Variants in RAD18 observed in about 807,000 individuals in gnomAD.
RAD18 encodes the protein E3 ubiquitin-protein ligase RAD18.
Under a neutral mutation model 60.4 loss-of-function variants are expected in RAD18, and 47 were observed. That is an observed-to-expected ratio of 0.78 (90% CI 0.62 to 0.99). RAD18 has a LOEUF of 0.99. Among genes scored for constraint, RAD18 ranks in the 50% least tolerant of loss-of-function variants. The pLI is 0.00. For synonymous variants in RAD18, 225 were observed against 195.5 expected (o/e 1.15, Z -1.26); for missense variants, 640 against 593.3 (o/e 1.08, Z -0.82).
Position 8,958,871 on chromosome 3 carries a change from T to A in RAD18, c.133+49A>T, listed in dbSNP as rs753697139. ...TCTTTGGTGTTAAATTAACACTACC[T>A]CATGTAAAAATCGCAATTTACTAAC... is the stretch of plus-strand genomic sequence containing the variant. On this transcript the variant is annotated intron_variant, in intron 2 of 12. Transcript: ENST00000264926. 5.1e-6 allele frequency: 7 copies of A among 1,380,396 alleles called. No individual in the cohort carries two copies. In the Admixed American group the frequency reaches 8.4e-5, roughly 17 times the overall value. The allele number at this position is 1,380,396 out of a possible 1,614,324, so 85.5% of individuals were successfully genotyped here.
intron 8 of RAD18, among the ~76,000 whole-genome samples, chr3:8,913,163 G>A (rs1940132126): frequency 6.6e-6 from 1 of 152,196 alleles, no homozygotes; most frequent in Admixed American, 6.5e-5. Context: ...AGGCAACAGT[G>A]AAGAATTTTA....
chr3:8,890,817 T>C (rs1437384584), intron 11 of RAD18, among the ~76,000 whole-genome samples: 2 of 152,184 alleles, frequency 1.3e-5, no homozygotes, highest in Non-Finnish European at 2.9e-5. Context: ...TGGAGAGAAC[T>C]ACTCCAATTT....
chr3:8,945,173 A>AG (rs1268585762), intron 4 of RAD18, among the ~76,000 whole-genome samples: 2 of 152,174 alleles, frequency 1.3e-5, no homozygotes, highest in Non-Finnish European at 2.9e-5. Context: ...TGGTATTCTC[A>AG]GGGGTCCTGG....
intron 9 of RAD18, among the ~76,000 whole-genome samples, chr3:8,910,587 C>T (rs1387295601): frequency 1.3e-5 from 2 of 149,740 alleles, no homozygotes; most frequent in Admixed American, 1.3e-4. Context: ...CTGGACAGAG[C>T]GAGCCTCCAT....
At position 8,922,806 on chromosome 3, in the gene RAD18, G is replaced by A. The variant is rs147260199; in HGVS notation, c.890-9086C>T. Among the ~76,000 whole-genome samples, 4 of 152,252 alleles carry A rather than the reference G, an allele frequency of 2.6e-5. No homozygotes were observed. The South Asian group carries it at 8.3e-4, about 32-fold the overall frequency. ...CCGCTGGTGATACCCAGGCAAACAG[G>A]GTCTGGAGTGGACCTCTGGCAAACT... On this transcript the variant is annotated intron_variant, in intron 7 of 12. Coordinates refer to ENST00000264926, the MANE Select transcript of RAD18 (RefSeq NM_020165.4).
intron 12 of RAD18, among the ~76,000 whole-genome samples, chr3:8,886,859 G>T (rs928792702): frequency 3.3e-5 from 5 of 152,332 alleles, no homozygotes; most frequent in Admixed American, 6.5e-5. Flanking sequence ...CCACAGTTGT[G>T]GGGTAGGGAA....
At chr3:8,915,534 T>C (rs2662087) in intron 7 of RAD18, among the ~76,000 whole-genome samples, 151,969 of 151,970 alleles carry the variant, frequency 1, 75,984 homozygotes, top group Non-Finnish European at 1. Flanking sequence ...ATATAAAAAT[T>C]TTGGGTGGCT....
intron 2 of RAD18, among the ~76,000 whole-genome samples, chr3:8,949,674 A>AG (rs35685771): frequency 6.6e-6 from 1 of 152,028 alleles, no homozygotes; most frequent in African/African-American, 2.4e-5. Context: ...GGAGAGAGAG[A>AG]GGGGGGTAAT....
intron 4 of RAD18, 123 bp from the exon 5 acceptor site, chr3:8,941,927 C>T (rs772104349): frequency 3.7e-5 from 32 of 869,076 alleles, no homozygotes; most frequent in Non-Finnish European, 4.9e-5. Flanking sequence ...ACTATAATGA[C>T]AACCAAACCA....
intron 12 of RAD18, among the ~76,000 whole-genome samples, chr3:8,882,682 T>C (rs1026193410): frequency 6.6e-6 from 1 of 152,012 alleles, no homozygotes; most frequent in African/African-American, 2.4e-5. Context: ...GAAAGGAAAA[T>C]GGGAGCAAAA....
At chr3:8,947,124 A>G in intron 4 of RAD18, 96 bp downstream of exon 4, 1 of 914,250 alleles carries the variant, frequency 1.1e-6, no homozygotes, top group Non-Finnish European at 1.7e-6. Context: ...AAAATATGCA[A>G]CCCTGCATTC....
At chr3:8,945,585 C>T (rs1940826945) in intron 4 of RAD18, among the ~76,000 whole-genome samples, 1 of 150,504 alleles carries the variant, frequency 6.6e-6, no homozygotes, top group Admixed American at 6.6e-5. Context: ...GATTCTCCTG[C>T]CTCAGCCTCC....
Position 8,955,850 on chromosome 3 carries a change from T to C in RAD18, c.133+3070A>G, listed in dbSNP as rs371836670. ...GCTGACTAGTAAAGATCTTTCTCTA[T>C]ATGGTAGTGCCCCCTTATACACAGG... On this transcript the variant is annotated intron_variant, in intron 2 of 12. Coordinates refer to ENST00000264926, the MANE Select transcript of RAD18 (RefSeq NM_020165.4). Among the ~76,000 whole-genome samples, 6 of 152,162 alleles carry C rather than the reference T, an allele frequency of 3.9e-5. No homozygotes were observed. The East Asian group carries it at 5.8e-4, about 15-fold the overall frequency.
chr3:8,942,326 C>T (rs556221631), intron 4 of RAD18, among the ~76,000 whole-genome samples: 1 of 152,306 alleles, frequency 6.6e-6, no homozygotes, highest in African/African-American at 2.4e-5. Context: ...CCCACTCTCA[C>T]CACATGACAT....
rs754517145 is a variant in RAD18, at chr3:8,935,910, T to C, written c.850A>G (p.Met284Val). The C allele has an allele frequency of 1.7e-5, 28 of 1,610,732 alleles. No individual in the cohort carries two copies. In the Admixed American group the frequency reaches 4.5e-4, roughly 26 times the overall value. ...LIKRHQEFVH[M>V]YNAQCDALHP... is the part of the protein sequence containing the mutation. ...AAAGCATCGCATTGGGCATTGTACATGTGTACAAATTCTTGGTGCCTTTTA... is the reference window on the plus strand; with the variant it reads ...AAAGCATCGCATTGGGCATTGTACACGTGTACAAATTCTTGGTGCCTTTTA... The change falls in exon 7 of 13, where the codon ATG (methionine) becomes GTG (valine). Residue 284 changes from methionine (M) to valine (V), a missense_variant. Met to Val is a conservative substitution (Grantham distance 21, BLOSUM62 1). Coordinates refer to ENST00000264926, the MANE Select transcript of RAD18 (RefSeq NM_020165.4).
chr3:8,926,693 A>G (rs997865905), intron 7 of RAD18, among the ~76,000 whole-genome samples: 1 of 152,226 alleles, frequency 6.6e-6, no homozygotes, highest in Non-Finnish European at 1.5e-5. Flanking sequence ...ACAGCATGGT[A>G]CTGGTACCAA....
At chr3:8,939,501 G>A in intron 6 of RAD18, 53 bp downstream of exon 6, 1 of 1,433,182 alleles carries the variant, frequency 7.0e-7, no homozygotes. Flanking sequence ...CCCCAAGTAA[G>A]CACAAGAGGC....
At chr3:8,956,240 T>A (rs1211126087) in intron 2 of RAD18, among the ~76,000 whole-genome samples, 4 of 152,236 alleles carry the variant, frequency 2.6e-5, no homozygotes, top group East Asian at 1.9e-4. Context: ...TCATTACTCT[T>A]GTGCTTTGGG....
At chr3:8,910,763 C>T (rs916048209) in intron 9 of RAD18, among the ~76,000 whole-genome samples, 1 of 152,116 alleles carries the variant, frequency 6.6e-6, no homozygotes, top group Admixed American at 6.5e-5. Context: ...AAAGGTAGGG[C>T]TCAGGATATA....
Sources: gnomAD v4.1 joint callset for allele counts (sites outside exome capture counted in the v4.1 genomes callset) on GRCh38, gnomAD v4.1.1 for gene constraint, MANE v1.5 for transcripts, NCBI Gene and HGNC (gene_info 2026-07-23, HGNC 2026-07-21) for gene names.